Variants in HERC3 observed in about 807,000 individuals in gnomAD.
HERC3 encodes the protein HECT and RLD domain containing E3 ubiquitin protein ligase 3, also known as probable E3 ubiquitin-protein ligase HERC3.
HERC3 carries 58 observed loss-of-function variants against 129.9 expected under a neutral mutation model. The observed-to-expected ratio is 0.45, with a 90% confidence interval of 0.36 to 0.56. HERC3 has a LOEUF of 0.56. Among genes scored for constraint, HERC3 ranks in the 20% least tolerant of loss-of-function variants. The probability of loss-of-function intolerance (pLI) is 0.00; values close to 1 mark genes in which losing one functional copy is unlikely to be tolerated. For missense variants in HERC3, 835 were observed against 1,244.2 expected, an observed-to-expected ratio of 0.67 and a Z score of 4.95; for synonymous variants, 430 against 451.0, an observed-to-expected ratio of 0.95 and a Z score of 0.59.
the HERC3 span, among the ~76,000 whole-genome samples, chr4:88,578,263 A>G: frequency 3.3e-5 from 5 of 152,206 alleles, no homozygotes; most frequent in South Asian, 4.1e-4. Context: ...TGAGCCTCCA[A>G]TGTATATGGC....
chr4:88,665,080 C>T (rs1269073901), intron 12 of HERC3, among the ~76,000 whole-genome samples: 1 of 152,190 alleles, frequency 6.6e-6, no homozygotes, highest in Non-Finnish European at 1.5e-5. Flanking sequence ...GTGAATCCCA[C>T]CCCTACCCCT....
intron 2 of HERC3, among the ~76,000 whole-genome samples, chr4:88,601,318 T>C (rs760935181): frequency 2.6e-5 from 4 of 152,254 alleles, no homozygotes; most frequent in Non-Finnish European, 5.9e-5. Flanking sequence ...ATTAAGGCCA[T>C]TGAGTTAAAT....
rs1012958872 is a variant in HERC3, at chr4:88,680,213, A to G, written c.2317A>G (p.Asn773Asp). The change falls in exon 20 of 26, where the codon AAT becomes GAT. Residue 773 changes from asparagine (N) to aspartate (D), a missense_variant. Coordinates refer to ENST00000402738, the MANE Select transcript of HERC3 (RefSeq NM_014606.3). Reference sequence around the variant, plus strand: ...AATGTTTACCTACTATCAAGATTCAAATCTCTTGTGGTTTTCAGACACGGT... The same window carrying G: ...AATGTTTACCTACTATCAAGATTCAGATCTCTTGTGGTTTTCAGACACGGT... ...YGMFTYYQDS[N>D]LLWFSDTCFV... is the part of the protein sequence containing the mutation. The G allele has an allele frequency of 3.7e-6, 6 of 1,608,188 alleles. No homozygotes were observed. Among genetic ancestry groups the G allele is most frequent in the Admixed American group, 3.4e-5 (2 of 59,114 alleles).
chr4:88,648,461 G>T (rs1436253223), intron 3 of HERC3, among the ~76,000 whole-genome samples: 1 of 152,138 alleles, frequency 6.6e-6, no homozygotes, highest in Non-Finnish European at 1.5e-5. Context: ...CACAGCTGGT[G>T]TATGGAATTC....
the HERC3 span, chr4:88,583,980 G>C: frequency 6.6e-6 from 1 of 152,270 alleles, no homozygotes; most frequent in Non-Finnish European, 1.5e-5. Context: ...TCCTATAATT[G>C]ATGCTTTTTA....
At chr4:88,671,525 CA>C (rs1252318008) in intron 16 of HERC3, among the ~76,000 whole-genome samples, 3 of 151,980 alleles carry the variant, frequency 2.0e-5, no homozygotes, top group African/African-American at 7.2e-5. Context: ...CCTGAGAAAA[CA>C]AAATACTTTT....
At chr4:88,593,217 G>T (rs1721939208) in intron 1 of HERC3, 1 of 152,152 alleles carries the variant, frequency 6.6e-6, no homozygotes, top group African/African-American at 2.4e-5. Context: ...TCCGCCTCCT[G>T]GGCGGGGCCG....
the HERC3 span, among the ~76,000 whole-genome samples, chr4:88,540,971 C>T: frequency 6.6e-6 from 1 of 152,158 alleles, no homozygotes; most frequent in Non-Finnish European, 1.5e-5. Flanking sequence ...ACAACCAGTA[C>T]CAGCCACTGC....
intron 3 of HERC3, among the ~76,000 whole-genome samples, chr4:88,622,068 T>G (rs1453275572): frequency 6.6e-6 from 1 of 152,246 alleles, no homozygotes. Context: ...CGGAGTTGTA[T>G]AATCATCACC....
intron 23 of HERC3, among the ~76,000 whole-genome samples, chr4:88,699,982 C>G (rs960551815): frequency 2.6e-5 from 4 of 152,078 alleles, no homozygotes; most frequent in African/African-American, 9.7e-5. Flanking sequence ...TGGCCCTTCC[C>G]CAGCATCCAG....
At chr4:88,570,883 A>G in the HERC3 span, among the ~76,000 whole-genome samples, 1 of 151,004 alleles carries the variant, frequency 6.6e-6, no homozygotes, top group African/African-American at 2.4e-5. Context: ...CCTCCTGAGT[A>G]GCTGGGACTA....
intron 1 of HERC3, among the ~76,000 whole-genome samples, chr4:88,594,894 G>T (rs1171407098): frequency 6.6e-6 from 1 of 151,948 alleles, no homozygotes; most frequent in Non-Finnish European, 1.5e-5. Context: ...TTGAGGTCAG[G>T]AGTTGGAGAC....
chr4:88,599,170 C>G (rs764439680), intron 2 of HERC3, among the ~76,000 whole-genome samples: 6 of 152,152 alleles, frequency 3.9e-5, no homozygotes, highest in Non-Finnish European at 8.8e-5. Flanking sequence ...ATTTAGGGGT[C>G]CAACTGGAGT....
chr4:88,667,849 T>G, intron 13 of HERC3, 43 bp from the exon 14 acceptor site: 1 of 1,407,174 alleles, frequency 7.1e-7, no homozygotes, highest in South Asian at 1.2e-5. Flanking sequence ...TAACTAGATC[T>G]CAAGTATGTT....
the HERC3 span, among the ~76,000 whole-genome samples, chr4:88,549,529 T>G: frequency 6.6e-6 from 1 of 152,114 alleles, no homozygotes; most frequent in Non-Finnish European, 1.5e-5. Flanking sequence ...GTGAACTCAT[T>G]GTTTTTTTCC....
intron 3 of HERC3, among the ~76,000 whole-genome samples, chr4:88,626,450 G>T (rs1726109092): frequency 1.3e-5 from 2 of 151,870 alleles, no homozygotes; most frequent in African/African-American, 4.8e-5. Flanking sequence ...TTTCTTTGTG[G>T]GGATATTTTA....
At chr4:88,574,254 A>G in the HERC3 span, among the ~76,000 whole-genome samples, 1 of 152,342 alleles carries the variant, frequency 6.6e-6, no homozygotes, top group East Asian at 1.9e-4. Flanking sequence ...GTGGCAGTGC[A>G]CAGAGGTTGC....
In HERC3 at chr4:88,707,045, A is replaced by AT; in HGVS notation, c.*92dup. On this transcript the variant is annotated 3_prime_UTR_variant, in exon 26 of 26. Coordinates refer to ENST00000402738, the MANE Select transcript of HERC3 (RefSeq NM_014606.3). ...CAGAAAATCATGGGGAGTGATTTCT[A>AT]TTTTTTTATTGTCTAAGTGGGTTGG... 3 of 1,067,308 alleles carry AT rather than the reference A, an allele frequency of 2.8e-6. No individual in the cohort carries two copies. The highest frequency in any genetic ancestry group is 2.3e-4 in the Middle Eastern group (1 of 4,390). 66.1% of individuals were successfully genotyped at this position (1,067,308 alleles called of 1,614,324 possible).
the HERC3 span, among the ~76,000 whole-genome samples, chr4:88,565,898 G>T: frequency 6.6e-6 from 1 of 151,578 alleles, no homozygotes; most frequent in African/African-American, 2.4e-5. Context: ...TTTCTCTGGT[G>T]GTATATTTTA....
Sources: gnomAD v4.1 joint callset for allele counts (sites outside exome capture counted in the v4.1 genomes callset) on GRCh38, gnomAD v4.1.1 for gene constraint, MANE v1.5 for transcripts, NCBI Gene and HGNC (gene_info 2026-07-23, HGNC 2026-07-21) for gene names.